The following MCPH1 variants were observed in gnomAD, a reference collection of about 807,000 sequenced individuals.
MCPH1 encodes the protein microcephalin.
A neutral mutation model predicts 84.5 loss-of-function variants in MCPH1; 104 were observed. The observed-to-expected ratio is 1.23, with a 90% CI of 1.05 to 1.45. The LOEUF (loss-of-function observed/expected upper bound fraction) is 1.45. Among genes scored for constraint, MCPH1 ranks in the 40% most tolerant of loss-of-function variants. The pLI, the probability that MCPH1 is intolerant of heterozygous loss-of-function variation, is 0.00. For missense variants in MCPH1, 1,498 were observed against 1,005.7 expected (o/e 1.49, Z -6.62); for synonymous variants, 514 against 366.8 (o/e 1.40, Z -4.58).
chr8:6,492,755 ATAT>A (rs1353532139), intron 11 of MCPH1, among the ~76,000 whole-genome samples: 10 of 149,154 alleles, frequency 6.7e-5, no homozygotes, highest in South Asian at 4.2e-4. Flanking sequence ...TAATTATTTA[ATAT>A]TATAAAATTA....
chr8:6,429,708 A>G (rs1301202530), intron 3 of MCPH1, among the ~76,000 whole-genome samples: 1 of 151,922 alleles, frequency 6.6e-6, no homozygotes, highest in Non-Finnish European at 1.5e-5. Flanking sequence ...TTCCATTTTT[A>G]TTGTCTAAAT....
chr8:6,426,392 C>T (rs1801065547), intron 3 of MCPH1, among the ~76,000 whole-genome samples: 2 of 152,182 alleles, frequency 1.3e-5, no homozygotes, highest in South Asian at 4.1e-4. Flanking sequence ...TGGTTTCTGT[C>T]ATTAAAGATT....
At chr8:6,508,132 A>C (rs769551713) in intron 12 of MCPH1, 1 of 152,222 alleles carries the variant, frequency 6.6e-6, no homozygotes, top group Admixed American at 6.5e-5. Flanking sequence ...AGGTGTTGCT[A>C]TATATTAATG....
chr8:6,484,261 G>A (rs1182312549), intron 11 of MCPH1, among the ~76,000 whole-genome samples: 1 of 152,196 alleles, frequency 6.6e-6, no homozygotes. Context: ...GATTTGAATA[G>A]ACAGTTTACT....
At chr8:6,469,702 G>T (rs1414253414) in intron 9 of MCPH1, among the ~76,000 whole-genome samples, 1 of 152,140 alleles carries the variant, frequency 6.6e-6, no homozygotes, top group East Asian at 1.9e-4. Context: ...AGAATGTTTT[G>T]TTTTTGAAAT....
chr8:6,485,457 G>C (rs962739007), intron 11 of MCPH1, among the ~76,000 whole-genome samples: 1 of 151,960 alleles, frequency 6.6e-6, no homozygotes, highest in Non-Finnish European at 1.5e-5. Flanking sequence ...ACAGGCTCCT[G>C]TACCTTCAAC....
intron 13 of MCPH1, among the ~76,000 whole-genome samples, chr8:6,629,162 C>T (rs941978370): frequency 6.6e-6 from 1 of 152,174 alleles, no homozygotes; most frequent in Non-Finnish European, 1.5e-5. Context: ...TGACTGGTGT[C>T]CTTATACGAA....
chr8:6,448,589 C>T (rs73661727), intron 8 of MCPH1, among the ~76,000 whole-genome samples: 3,568 of 152,306 alleles, frequency 0.023, 152 homozygotes, highest in African/African-American at 0.081. Context: ...CACGAAGCAG[C>T]CACTGTCCAC....
intron 9 of MCPH1, among the ~76,000 whole-genome samples, chr8:6,476,206 A>C (rs1808431104): frequency 6.6e-6 from 1 of 152,074 alleles, no homozygotes; most frequent in Non-Finnish European, 1.5e-5. Context: ...AGGTGGGTGG[A>C]TCACCTGAGG....
intron 12 of MCPH1, among the ~76,000 whole-genome samples, chr8:6,564,550 G>T (rs1227135976): frequency 6.8e-6 from 1 of 147,148 alleles, no homozygotes; most frequent in Non-Finnish European, 1.5e-5. Context: ...CAGCCCAAGT[G>T]TACATAGGGA....
At chr8:6,496,228 G>A (rs147463438) in intron 11 of MCPH1, among the ~76,000 whole-genome samples, 1 of 152,070 alleles carries the variant, frequency 6.6e-6, no homozygotes, top group Admixed American at 6.5e-5. Flanking sequence ...TTCTCATAAG[G>A]AGCATGCAAC....
In MCPH1 at chr8:6,641,148, G is replaced by C. The variant is rs573431206; in HGVS notation, c.2453-1846G>C. On this transcript the variant is annotated intron_variant, in intron 13 of 13. Transcript: ENST00000344683. ...AAACATGTCGTTTTCTTTTTGAAAAGTTTGAAATTTTTGGATTACATTGAA... is the reference window on the plus strand; with the variant it reads ...AAACATGTCGTTTTCTTTTTGAAAACTTTGAAATTTTTGGATTACATTGAA... Among the ~76,000 whole-genome samples, 6 of 152,022 alleles carry C rather than the reference G, an allele frequency of 3.9e-5. No homozygotes were observed. In the East Asian group the frequency reaches 7.7e-4, roughly 20 times the overall value.
At position 6,496,001 on chromosome 8, in the gene MCPH1, G is replaced by A. The variant is rs1214232544; in HGVS notation, c.2137-3851G>A. Among the ~76,000 whole-genome samples the A allele has an allele frequency of 2.0e-5, 3 of 152,186 alleles. 1 individual carries two copies. Among genetic ancestry groups the A allele is most frequent in the Admixed American group, 6.5e-5 (1 of 15,268 alleles). ...AAGACAATTTTTCCAGGGACTTGGG[G>A]GTTGGGAGGGTGAGGGAGGAATGGT... On this transcript the variant is annotated intron_variant, in intron 11 of 13. Transcript: ENST00000344683.
At chr8:6,425,577 C>G (rs953435922) in intron 3 of MCPH1, among the ~76,000 whole-genome samples, 1 of 152,202 alleles carries the variant, frequency 6.6e-6, no homozygotes. Flanking sequence ...CATCTTATCA[C>G]TCTGAAGGAT....
rs115149172 is a variant in MCPH1 at position 6,434,733 on chromosome 8, G to T, written c.322-1315G>T. Among the ~76,000 whole-genome samples, 596 of 152,312 alleles carry T rather than the reference G, an allele frequency of 3.9e-3. 3 individuals carry two copies. The highest frequency in any genetic ancestry group is 0.014 in the African/African-American group (574 of 41,564). On this transcript the variant is annotated intron_variant, in intron 4 of 13. Transcript: ENST00000344683. ...AAAAGAAGTTCTTTCTATGAGACTG[G>T]AGCAAAAGAAGTTAGCGTTTACGTG... is the stretch of plus-strand genomic sequence containing the variant.
intron 12 of MCPH1, among the ~76,000 whole-genome samples, chr8:6,537,037 C>T (rs895289381): frequency 2.0e-5 from 3 of 151,770 alleles, no homozygotes; most frequent in Non-Finnish European, 4.4e-5. Context: ...CCAAACTCCA[C>T]TTGCCTTTGG....
At chr8:6,409,892 G>T (rs778731296) in intron 2 of MCPH1, among the ~76,000 whole-genome samples, 8 of 152,126 alleles carry the variant, frequency 5.3e-5, no homozygotes, top group Non-Finnish European at 1.0e-4. Flanking sequence ...AAGGACAGGC[G>T]ATGGGAGCAG....
At position 6,644,031 on chromosome 8, in the gene MCPH1, A is replaced by C. The variant is rs1378483963; in HGVS notation, c.*982A>C. On this transcript the variant is annotated 3_prime_UTR_variant, in exon 14 of 14. Coordinates refer to ENST00000344683, the MANE Select transcript of MCPH1 (RefSeq NM_024596.5). ...TTTGGGAGGCTGAGGTGGACAGATC[A>C]CTTGAGGTCAGGAGTTCGAGACCAG... 6.6e-6 allele frequency: 1 copy of C among 152,236 alleles called. No individual in the cohort carries two copies. Among genetic ancestry groups the C allele is most frequent in the African/African-American group, 2.4e-5 (1 of 41,436 alleles). The allele number at this position is 152,236 out of a possible 1,614,324, so 9.4% of individuals were successfully genotyped here. A position where few individuals can be genotyped will look rare whatever the true frequency, so the allele number is the denominator to read the frequency against.
chr8:6,447,173 A>C (rs1129703), intron 8 of MCPH1: 4 of 985,222 alleles, frequency 4.1e-6, no homozygotes, highest in Non-Finnish European at 4.8e-6. Flanking sequence ...GAACCCTTTT[A>C]TAGTAATAAA....
Sources: allele counts gnomAD v4.1 joint callset (sites outside exome capture counted in the v4.1 genomes callset), GRCh38; gene constraint gnomAD v4.1.1; transcripts MANE v1.5; gene names NCBI Gene and HGNC (gene_info 2026-07-23, HGNC 2026-07-21).